VIPR1: variants seen among roughly 807,000 people sequenced by gnomAD.
VIPR1 encodes the protein vasoactive intestinal peptide receptor 1, also known as vasoactive intestinal polypeptide receptor 1.
Under a neutral mutation model 58.8 loss-of-function variants are expected in VIPR1, and 59 were observed. The observed-to-expected ratio is 1.00, with a 90% CI of 0.81 to 1.25. The LOEUF is 1.25. Among genes scored for constraint, VIPR1 ranks in the 50% most tolerant of loss-of-function variants. VIPR1 has a pLI of 0.00. For missense variants in VIPR1, 626 were observed against 602.7 expected (o/e 1.04, Z -0.40); for synonymous variants, 251 against 242.1 (o/e 1.04, Z -0.34).
intron 7 of VIPR1, 34 bp downstream of exon 7, chr3:42,530,966 C>T (rs1032235416): frequency 4.3e-6 from 7 of 1,610,726 alleles, no homozygotes; most frequent in Non-Finnish European, 5.1e-6. Flanking sequence ...AGGCTGGGGA[C>T]AGAGGGGGCA....
In VIPR1 at chr3:42,532,296, C is replaced by G; in HGVS notation, c.973C>G (p.Pro325Ala). 6.2e-7 allele frequency: 1 copy of G among 1,614,124 alleles called. No homozygotes were observed. The highest frequency in any genetic ancestry group is 8.5e-7 in the Non-Finnish European group (1 of 1,180,022). Reference protein sequence around the residue: ...IIRILLQKLRPPDIRKSDSSP... With the variant: ...IIRILLQKLRAPDIRKSDSSP... ...CCGAATCCTGCTTCAGAAACTGCGG[C>G]CCCCAGATATCAGGAAGAGTGACAG... is the stretch of plus-strand genomic sequence containing the variant. Residue 325 changes from proline to alanine, a missense_variant, in exon 10 of 13, where the codon CCC (proline) becomes GCC (alanine). Transcript: ENST00000325123.
intron 2 of VIPR1, among the ~76,000 whole-genome samples, 161 bp downstream of exon 2, chr3:42,514,015 C>T (rs1216721546): frequency 6.6e-6 from 1 of 152,180 alleles, no homozygotes; most frequent in Admixed American, 6.5e-5. Flanking sequence ...TAACAGGCTT[C>T]CACATTCCCA....
At chr3:42,499,143 C>A (rs1699820188), upstream of VIPR1, among the ~76,000 whole-genome samples, 1 of 152,244 alleles carries the variant, frequency 6.6e-6, no homozygotes, top group South Asian at 2.1e-4. Context: ...GCAGGGGAAT[C>A]CTAGAGCAGT....
At chr3:42,515,655 T>G (rs1700587001) in intron 2 of VIPR1, among the ~76,000 whole-genome samples, 1 of 152,274 alleles carries the variant, frequency 6.6e-6, no homozygotes, top group Non-Finnish European at 1.5e-5. Flanking sequence ...GCCATGGGTC[T>G]GCCCGTGACC....
intron 1 of VIPR1, chr3:42,512,868 C>T: frequency 2.0e-6 from 2 of 985,550 alleles, no homozygotes; most frequent in Non-Finnish European, 2.4e-6. Flanking sequence ...CACCCACCCA[C>T]ACCCATCTAA....
chr3:42,524,811 T>C (rs1395586667), intron 3 of VIPR1, among the ~76,000 whole-genome samples: 2 of 152,134 alleles, frequency 1.3e-5, no homozygotes, highest in Admixed American at 6.5e-5. Flanking sequence ...GGAGACCAAA[T>C]CAGCTCTATC....
upstream of VIPR1, chr3:42,500,061 C>T (rs894049945): frequency 1.3e-5 from 2 of 152,164 alleles, no homozygotes; most frequent in East Asian, 3.8e-4. Context: ...AGGGTGGATC[C>T]CCCAGGAGAA....
rs571471570 is a variant in VIPR1, at chr3:42,530,732, A to G, written c.637-47A>G. On this transcript the variant is annotated intron_variant, in intron 6 of 12. Transcript: ENST00000325123. ...CAGACACGAGTGTGGGCAGTCAAGG[A>G]CCCTTGACAGCCCCAGTGAACCCCG... 86 of 1,601,988 alleles carry G rather than the reference A, an allele frequency of 5.4e-5. 1 individual carries two copies. The highest frequency in any genetic ancestry group is 6.7e-5 in the African/African-American group (5 of 74,622).
chr3:42,532,496 C>T (rs1159089268), intron 10 of VIPR1, 163 bp downstream of exon 10: 13 of 728,744 alleles, frequency 1.8e-5, no homozygotes, highest in Non-Finnish European at 3.1e-5. Context: ...CACCACCATC[C>T]CCTGCTCCAG....
chr3:42,506,282 G>A (rs1255989717), intron 1 of VIPR1, among the ~76,000 whole-genome samples: 1 of 152,206 alleles, frequency 6.6e-6, no homozygotes, highest in East Asian at 1.9e-4. Context: ...GACCAGGGTA[G>A]GGGCTCTAAC....
intron 4 of VIPR1, 138 bp downstream of exon 4, chr3:42,526,131 C>A: frequency 1.2e-6 from 1 of 803,582 alleles, no homozygotes; most frequent in Non-Finnish European, 2.0e-6. Context: ...CTAGCCTCCT[C>A]CAGGCCTGCC....
intron 1 of VIPR1, among the ~76,000 whole-genome samples, chr3:42,492,775 AC>A (rs1699689309): frequency 6.6e-6 from 1 of 152,214 alleles, no homozygotes; most frequent in South Asian, 2.1e-4. Flanking sequence ...CTTGAGCAGC[AC>A]TAGACTCACT....
intron 3 of VIPR1, among the ~76,000 whole-genome samples, chr3:42,522,675 T>A (rs1559490123): frequency 6.6e-6 from 1 of 152,104 alleles, no homozygotes; most frequent in Admixed American, 6.5e-5. Flanking sequence ...GCATGATCCT[T>A]CCAGCTGTCT....
At chr3:42,522,092 TA>T in intron 3 of VIPR1, among the ~76,000 whole-genome samples, 1 of 49,584 alleles carries the variant, frequency 2.0e-5, no homozygotes, top group African/African-American at 1.3e-4. Flanking sequence ...TATATATATA[TA>T]TATATATATT....
At chr3:42,531,183 T>C (rs778282858) in intron 7 of VIPR1, 61 of 616,314 alleles carry the variant, frequency 9.9e-5, no homozygotes, top group Admixed American at 4.5e-4. Context: ...CATTTCCCTT[T>C]AGTTCCCGAA....
At chr3:42,525,010 G>A (rs1701151048) in intron 3 of VIPR1, among the ~76,000 whole-genome samples, 1 of 152,182 alleles carries the variant, frequency 6.6e-6, no homozygotes, top group South Asian at 2.1e-4. Flanking sequence ...TGACAACAGT[G>A]ATGCTGCTGA....
intron 3 of VIPR1, 105 bp from the exon 4 acceptor site, chr3:42,525,782 G>T (rs957918565): frequency 1.7e-6 from 2 of 1,194,566 alleles, no homozygotes; most frequent in Non-Finnish European, 1.2e-6. Flanking sequence ...CAGCACCAGG[G>T]TTGGTGGGAG....
chr3:42,524,105 G>A (rs1448495791), intron 3 of VIPR1, among the ~76,000 whole-genome samples: 2 of 152,214 alleles, frequency 1.3e-5, no homozygotes, highest in Non-Finnish European at 2.9e-5. Flanking sequence ...ATGAGCCACC[G>A]CACCCAGCCC....
intron 1 of VIPR1, among the ~76,000 whole-genome samples, chr3:42,504,257 C>T (rs966158191): frequency 1.3e-5 from 2 of 152,118 alleles, no homozygotes; most frequent in African/African-American, 2.4e-5. Flanking sequence ...TCCTCCATCC[C>T]GAGAAGCTTC....
Sources: gnomAD v4.1 joint callset for allele counts (sites outside exome capture counted in the v4.1 genomes callset) on GRCh38, gnomAD v4.1.1 for gene constraint, MANE v1.5 for transcripts, NCBI Gene and HGNC (gene_info 2026-07-23, HGNC 2026-07-21) for gene names.